Variants in ATF2 observed in about 807,000 individuals in gnomAD.
ATF2 encodes the protein activating transcription factor 2.
A neutral mutation model predicts 60.6 loss-of-function variants in ATF2; 24 were observed. The observed-to-expected ratio is 0.40, with a 90% confidence interval of 0.29 to 0.56. The LOEUF is 0.56. ATF2 is among the 20% of genes least tolerant of loss of function. The pLI is 0.54. For missense variants in ATF2, 433 were observed against 607.7 expected, an observed-to-expected ratio of 0.71 and a Z score of 3.02; for synonymous variants, 206 against 215.4, an observed-to-expected ratio of 0.96 and a Z score of 0.38.
chr2:175,152,794 A>G (rs960514415), intron 1 of ATF2, among the ~76,000 whole-genome samples: 8 of 152,218 alleles, frequency 5.3e-5, no homozygotes, highest in Admixed American at 6.5e-5. Flanking sequence ...GGACCCAAAT[A>G]GTATATTCAG....
At chr2:175,094,829 T>C (rs1458741953) in intron 11 of ATF2, among the ~76,000 whole-genome samples, 1 of 152,078 alleles carries the variant, frequency 6.6e-6, no homozygotes, top group Non-Finnish European at 1.5e-5. Context: ...TGGTCCTAGT[T>C]ACTCAAGAGG....
intron 12 of ATF2, among the ~76,000 whole-genome samples, chr2:175,084,920 G>A (rs899524564): frequency 7.9e-5 from 12 of 152,070 alleles, no homozygotes; most frequent in East Asian, 1.9e-4. Context: ...AGAGGACCAC[G>A]TAATTCTATG....
chr2:175,099,143 G>A (rs1015030718), intron 10 of ATF2, among the ~76,000 whole-genome samples: 18 of 136,498 alleles, frequency 1.3e-4, no homozygotes, highest in African/African-American at 4.5e-4. Context: ...CTCGCCTGTC[G>A]CCCAGGCTGG....
chr2:175,108,979 TC>T (rs1695969691), intron 10 of ATF2, among the ~76,000 whole-genome samples: 1 of 151,926 alleles, frequency 6.6e-6, no homozygotes, highest in South Asian at 2.1e-4. Flanking sequence ...GGCAGCATGC[TC>T]GTTAAGAGTC....
intron 4 of ATF2, among the ~76,000 whole-genome samples, chr2:175,124,256 A>AACAAC (rs1697165370): frequency 6.7e-6 from 1 of 149,500 alleles, no homozygotes; most frequent in African/African-American, 2.5e-5. Context: ...CCTTGAGTAT[A>AACAAC]TAGCTCAATA....
chr2:175,089,731 C>A (rs1574335264), intron 12 of ATF2, among the ~76,000 whole-genome samples: 1 of 152,034 alleles, frequency 6.6e-6, no homozygotes, highest in African/African-American at 2.4e-5. Flanking sequence ...AAGTAGAAAA[C>A]AACAAAAAGT....
Position 175,161,603 on chromosome 2 carries a change from G to C in ATF2, c.-143+6447C>G, listed in dbSNP as rs9941676. Among the ~76,000 whole-genome samples the C allele has an allele frequency of 6.7e-3, 1,022 of 152,204 alleles. 11 individuals carry two copies. Among genetic ancestry groups the C allele is most frequent in the African/African-American group, 0.023 (965 of 41,524 alleles). ...TGATTACACACTTAACTATGTGCCA[G>C]GGACAAAACTCAGTCAATTTGGCTA... is the stretch of plus-strand genomic sequence containing the variant. On this transcript the variant is annotated intron_variant, in intron 1 of 13. Transcript: ENST00000264110.
chr2:175,137,073 T>A (rs1698187318), intron 2 of ATF2, among the ~76,000 whole-genome samples: 1 of 152,194 alleles, frequency 6.6e-6, no homozygotes, highest in South Asian at 2.1e-4. Context: ...TAAGAGTAAC[T>A]ATGTGGTTAT....
intron 2 of ATF2, among the ~76,000 whole-genome samples, chr2:175,145,993 G>A (rs1482057413): frequency 6.6e-6 from 1 of 152,056 alleles, no homozygotes; most frequent in Admixed American, 6.6e-5. Context: ...GTAATTTACA[G>A]CACAAAAGCC....
At chr2:175,141,819 A>T (rs1317744109) in intron 2 of ATF2, among the ~76,000 whole-genome samples, 5 of 151,922 alleles carry the variant, frequency 3.3e-5, no homozygotes, top group Non-Finnish European at 7.4e-5. Context: ...TCAAATGTGA[A>T]TCTACAAAAA....
intron 9 of ATF2, among the ~76,000 whole-genome samples, chr2:175,112,148 T>C (rs1334817264): frequency 6.6e-6 from 1 of 152,170 alleles, no homozygotes; most frequent in Non-Finnish European, 1.5e-5. Flanking sequence ...ACCATTTTGG[T>C]TTTTTCCTTT....
At chr2:175,167,525 C>G (rs1223507223) in intron 1 of ATF2, 4 of 432,172 alleles carry the variant, frequency 9.3e-6, no homozygotes, top group Non-Finnish European at 1.5e-5. Flanking sequence ...TATTTTCAGC[C>G]GCGCCTCCCG....
At chr2:175,081,274 C>A (rs777838812) in intron 12 of ATF2, among the ~76,000 whole-genome samples, 2 of 152,130 alleles carry the variant, frequency 1.3e-5, no homozygotes, top group African/African-American at 2.4e-5. Flanking sequence ...AAATTCACTG[C>A]AAGGCACTCT....
chr2:175,105,320 C>CA (rs542392000), intron 10 of ATF2, among the ~76,000 whole-genome samples: 7 of 145,440 alleles, frequency 4.8e-5, no homozygotes, highest in African/African-American at 7.7e-5. Context: ...GCCCCCCCCC[C>CA]AAAAAAATAT....
At chr2:175,141,010 A>AT (rs1698473926) in intron 2 of ATF2, among the ~76,000 whole-genome samples, 1 of 99,382 alleles carries the variant, frequency 1.0e-5, no homozygotes, top group Non-Finnish European at 1.9e-5. Flanking sequence ...AAAAAAAAAA[A>AT]AAAAAAAAAA....
At chr2:175,101,380 T>C (rs112383491) in intron 10 of ATF2, among the ~76,000 whole-genome samples, 2 of 152,196 alleles carry the variant, frequency 1.3e-5, no homozygotes, top group East Asian at 3.8e-4. Context: ...ATTTTATAAA[T>C]AGAATGTTAG....
chr2:175,122,676 CGGCACA>C (rs1307534892), intron 4 of ATF2, among the ~76,000 whole-genome samples: 1 of 151,968 alleles, frequency 6.6e-6, no homozygotes, highest in East Asian at 1.9e-4. Context: ...CTCATGTGTG[CGGCACA>C]ATGCCTTGGT....
intron 2 of ATF2, among the ~76,000 whole-genome samples, chr2:175,139,555 C>T (rs1486953938): frequency 6.6e-6 from 1 of 151,794 alleles, no homozygotes; most frequent in Admixed American, 6.6e-5. Flanking sequence ...GCCTGTAAAT[C>T]CCAGCTACTC....
At chr2:175,100,779 T>C (rs1695259076) in intron 10 of ATF2, among the ~76,000 whole-genome samples, 1 of 152,216 alleles carries the variant, frequency 6.6e-6, no homozygotes, top group Admixed American at 6.5e-5. Flanking sequence ...CCTTTGCCTC[T>C]TTTAAAACTT....
Sources: gnomAD v4.1 joint callset for allele counts (sites outside exome capture counted in the v4.1 genomes callset) on GRCh38, gnomAD v4.1.1 for gene constraint, MANE v1.5 for transcripts, NCBI Gene and HGNC (gene_info 2026-07-23, HGNC 2026-07-21) for gene names.